The following TOGARAM1 variants were observed in gnomAD, a reference collection of about 807,000 sequenced individuals.
TOGARAM1 encodes the protein TOG array regulator of axonemal microtubules 1.
In TOGARAM1, 100 loss-of-function variants were observed where a neutral mutation model predicts 166.6. The ratio of observed to expected loss-of-function variants is 0.60; its 90% CI spans 0.51 to 0.71. The LOEUF (loss-of-function observed/expected upper bound fraction) is 0.71, where lower values mean the gene tolerates loss of function less well. Among genes scored for constraint, TOGARAM1 ranks in the 30% least tolerant of loss-of-function variants. TOGARAM1 has a pLI of 0.00. For synonymous variants in TOGARAM1, 758 were observed against 763.8 expected, an observed-to-expected ratio of 0.99 and a Z score of 0.13; for missense variants, 2,029 against 2,102.7, an observed-to-expected ratio of 0.96 and a Z score of 0.69.
intron 11 of TOGARAM1, among the ~76,000 whole-genome samples, chr14:45,034,955 C>A (rs957435447): frequency 6.6e-6 from 1 of 152,072 alleles, no homozygotes; most frequent in African/African-American, 2.4e-5. Context: ...ACTGTAACTA[C>A]TGCATGCATT....
intron 11 of TOGARAM1, among the ~76,000 whole-genome samples, chr14:45,036,121 CCT>C: frequency 8.4e-6 from 1 of 119,586 alleles, no homozygotes; most frequent in East Asian, 2.3e-4. Flanking sequence ...CAGAACAAGA[CCT>C]TGTCTCTAAA....
At chr14:45,064,116 A>G (rs1883032466) in intron 16 of TOGARAM1, among the ~76,000 whole-genome samples, 1 of 151,962 alleles carries the variant, frequency 6.6e-6, no homozygotes, top group Non-Finnish European at 1.5e-5. Flanking sequence ...ATAAATCCCT[A>G]TCTGTCTTTA....
At position 44,978,825 on chromosome 14, in the gene TOGARAM1, AAAG is replaced by A. The variant is rs374904076; in HGVS notation, c.2046+14369_2046+14371del. On this transcript the variant is annotated intron_variant, in intron 1 of 19. Coordinates refer to ENST00000361462, the MANE Select transcript of TOGARAM1 (RefSeq NM_001308120.2). ...AAAAATTAAAAAAAAGAGAAAAAAA[AAAG>A]AAGAAGAAGATCAAGAGCCAGGCAT... Among the ~76,000 whole-genome samples, 31 of 151,360 alleles carry A rather than the reference AAAG, an allele frequency of 2.0e-4. No homozygotes were observed. In the South Asian group the frequency reaches 2.7e-3, roughly 13 times the overall value.
chr14:44,990,294 A>G (rs1164503385), intron 1 of TOGARAM1, among the ~76,000 whole-genome samples: 1 of 152,234 alleles, frequency 6.6e-6, no homozygotes, highest in Non-Finnish European at 1.5e-5. Flanking sequence ...TGTGAACACA[A>G]TTGTCCATGT....
At chr14:45,006,318 A>G in intron 5 of TOGARAM1, 51 bp downstream of exon 5, 1 of 1,333,614 alleles carries the variant, frequency 7.5e-7, no homozygotes, top group Non-Finnish European at 1.0e-6. Context: ...ATTTTCTATA[A>G]TATAGTTGCT....
chr14:45,029,003 C>G (rs1350489986), intron 10 of TOGARAM1, among the ~76,000 whole-genome samples: 1 of 152,110 alleles, frequency 6.6e-6, no homozygotes, highest in Non-Finnish European at 1.5e-5. Context: ...CAATATACTT[C>G]TTTTGAAAGT....
chr14:45,004,330 A>G lies in TOGARAM1; in HGVS notation c.2608A>G (p.Ser870Gly), dbSNP rs1428459230. The change falls in exon 4 of 20, where the codon AGC becomes GGC. Residue 870 changes from serine to glycine, a missense_variant. Transcript: ENST00000361462. The stretch of plus-strand genomic sequence containing the variant: ...GCCAAGTCCACAGAAGAAGCTTGTC[A>G]GCCAAAAATCGTCTGATCCTACGGG... The part of the protein sequence containing the change: ...SKPSPQKKLV[S>G]QKSSDPTGRN... 2 of 1,613,914 alleles carry G rather than the reference A, an allele frequency of 1.2e-6. No individual in the cohort carries two copies. The highest frequency in any genetic ancestry group is 3.3e-5 in the Admixed American group (2 of 59,978).
rs1883464969 is a variant in TOGARAM1 at position 45,073,330 on chromosome 14, T to C, written c.5091T>C (p.His1697=). Residue 1697 remains histidine, a synonymous_variant, in exon 20 of 20, where the codon CAT becomes CAC. Transcript: ENST00000361462. ...CGGAACTTTATCAAAGGAAGCCGCATGCCACAGAGCAGAAAGTGTTGGTTG... is the reference window on the plus strand; with the variant it reads ...CGGAACTTTATCAAAGGAAGCCGCACGCCACAGAGCAGAAAGTGTTGGTTG... ...IVTELYQRKP[H]ATEQKVLVVL... The C allele has an allele frequency of 6.2e-7, 1 of 1,613,760 alleles. No homozygotes were observed. Among genetic ancestry groups the C allele is most frequent in the African/African-American group, 1.3e-5 (1 of 74,938 alleles).
chr14:45,027,988 T>G (rs1444962838), intron 9 of TOGARAM1, among the ~76,000 whole-genome samples, 188 bp from the exon 10 acceptor site: 1 of 152,168 alleles, frequency 6.6e-6, no homozygotes, highest in East Asian at 1.9e-4. Context: ...ATACTTTGTA[T>G]TCTCCATGTA....
intron 11 of TOGARAM1, among the ~76,000 whole-genome samples, chr14:45,035,216 T>C (rs891371247): frequency 6.6e-6 from 1 of 152,030 alleles, no homozygotes; most frequent in South Asian, 2.1e-4. Context: ...AAAAATTAGC[T>C]GGGTGTGGTG....
Position 45,006,241 on chromosome 14 carries a change from A to G in TOGARAM1, c.2878A>G (p.Lys960Glu), listed in dbSNP as rs1177846858. The change falls in exon 5 of 20, where the codon AAG (lysine) becomes GAG (glutamate). Residue 960 changes from lysine to glutamate, a missense_variant. Lys to Glu is a moderately conservative substitution (Grantham distance 56, BLOSUM62 1). Around this residue, in one of 2 missense-constraint regions of TOGARAM1, gnomAD observed 1,453 missense variants for 1,432.2 expected, o/e 1.01. Transcript: ENST00000361462. The part of the protein sequence containing the change: ...LPIDLSELNF[K>E]DKDLDQEEMH... ...AATTGATCTTTCAGAATTAAATTTC[A>G]AGGATAAAGATTTGGATCAAGAAGA... 2 of 1,611,610 alleles carry G rather than the reference A, an allele frequency of 1.2e-6. No homozygotes were observed. Among genetic ancestry groups the G allele is most frequent in the Admixed American group, 3.3e-5 (2 of 59,838 alleles).
In TOGARAM1 at chr14:45,074,286, G is replaced by C. The variant is rs895409067; in HGVS notation, c.*725G>C. 6.6e-6 allele frequency: 1 copy of C among 152,476 alleles called. No homozygotes were observed. Among genetic ancestry groups the C allele is most frequent in the African/African-American group, 2.4e-5 (1 of 41,360 alleles). 9.4% of individuals were successfully genotyped at this position (152,476 alleles called of 1,614,324 possible). ...TGCTTTATGTTTTGACCTTTATAAAGGTGTTATTCTGCTGCCCAGTTTTGT... is the reference window on the plus strand; with the variant it reads ...TGCTTTATGTTTTGACCTTTATAAACGTGTTATTCTGCTGCCCAGTTTTGT... On this transcript the variant is annotated 3_prime_UTR_variant, in exon 20 of 20. Transcript: ENST00000361462.
In TOGARAM1 at chr14:45,066,653, A is replaced by C; in HGVS notation, c.4635A>C (p.Lys1545Asn). Residue 1545 changes from lysine (K) to asparagine (N), a missense_variant, in exon 17 of 20, where the codon AAA (lysine) becomes AAC (asparagine). Physicochemically the swap from Lys to Asn is moderately conservative, Grantham distance 94. Around this residue, in one of 2 missense-constraint regions of TOGARAM1, gnomAD observed 576 missense variants for 670.5 expected, o/e 0.86. Coordinates refer to ENST00000361462, the MANE Select transcript of TOGARAM1 (RefSeq NM_001308120.2). Reference protein sequence around the residue: ...RNSLESAEYLKLITGLLNAKD... With the variant: ...RNSLESAEYLNLITGLLNAKD... ...CCTTAGAAAGTGCTGAGTACCTTAA[A>C]CTCATAACTGGCTTATTAAATGCAA... 6.2e-7 allele frequency: 1 copy of C among 1,613,858 alleles called. No individual in the cohort carries two copies. Among genetic ancestry groups the C allele is most frequent in the East Asian group, 2.2e-5 (1 of 44,870 alleles).
intron 1 of TOGARAM1, among the ~76,000 whole-genome samples, chr14:44,971,465 A>G (rs1042802857): frequency 2.6e-5 from 4 of 152,182 alleles, no homozygotes; most frequent in Admixed American, 1.3e-4. Context: ...CCAGAAGCTT[A>G]TCAATTTTAT....
intron 1 of TOGARAM1, among the ~76,000 whole-genome samples, chr14:44,977,925 C>T (rs1193369864): frequency 2.0e-5 from 3 of 152,204 alleles, no homozygotes; most frequent in Non-Finnish European, 4.4e-5. Flanking sequence ...GCTGGGATTA[C>T]AGGCATGAGC....
intron 1 of TOGARAM1, among the ~76,000 whole-genome samples, chr14:44,985,346 G>A (rs887985071): frequency 1.3e-5 from 2 of 152,142 alleles, no homozygotes; most frequent in Non-Finnish European, 2.9e-5. Context: ...AAATAAGCAT[G>A]TGTGTTAACA....
chr14:45,029,935 C>T (rs575508870), intron 10 of TOGARAM1, among the ~76,000 whole-genome samples: 1 of 152,216 alleles, frequency 6.6e-6, no homozygotes, highest in South Asian at 2.1e-4. Context: ...GATTCTTCTG[C>T]CTCAGCTTCC....
chr14:44,980,652 G>A (rs1216386123), intron 1 of TOGARAM1, among the ~76,000 whole-genome samples: 1 of 152,178 alleles, frequency 6.6e-6, no homozygotes, highest in African/African-American at 2.4e-5. Flanking sequence ...CTGCACTCCA[G>A]CCATGGCAAC....
chr14:45,059,960 T>C (rs2138989969), intron 16 of TOGARAM1, among the ~76,000 whole-genome samples: 1 of 150,820 alleles, frequency 6.6e-6, no homozygotes, highest in East Asian at 2.0e-4. Context: ...TCGCCCAGGC[T>C]GGAGTGCAGT....
Sources: allele counts gnomAD v4.1 joint callset (sites outside exome capture counted in the v4.1 genomes callset), GRCh38; gene constraint gnomAD v4.1.1; regional missense constraint gnomAD v4.1.1; transcripts MANE v1.5; gene names NCBI Gene and HGNC (gene_info 2026-07-23, HGNC 2026-07-21).